The following PARP9 variants were observed in gnomAD, a reference collection of about 807,000 sequenced individuals.
The protein encoded by PARP9 is poly(ADP-ribose) polymerase family member 9, also known as protein mono-ADP-ribosyltransferase PARP9.
In PARP9, 48 loss-of-function variants were observed where a neutral mutation model predicts 68.8. The ratio of observed to expected loss-of-function variants is 0.70; its 90% confidence interval spans 0.55 to 0.89. The LOEUF (loss-of-function observed/expected upper bound fraction) is 0.89, where lower values mean the gene tolerates loss of function less well. Among genes scored for constraint, PARP9 ranks in the 40% least tolerant of loss-of-function variants. The pLI is 0.00. For missense variants in PARP9, 806 were observed against 969.3 expected (o/e 0.83, Z 2.24); for synonymous variants, 309 against 333.8 (o/e 0.93, Z 0.81).
At chr3:122,547,383 C>T (rs2078845485) in intron 6 of PARP9, among the ~76,000 whole-genome samples, 1 of 151,996 alleles carries the variant, frequency 6.6e-6, no homozygotes, top group Admixed American at 6.6e-5. Context: ...GCATGAGCCA[C>T]CAAGCCCGGC....
intron 1 of PARP9, among the ~76,000 whole-genome samples, chr3:122,560,633 G>A (rs569780592): frequency 2.0e-5 from 3 of 152,222 alleles, no homozygotes; most frequent in South Asian, 2.1e-4. Flanking sequence ...TGATCTACCC[G>A]TCTCGGCCTC....
At chr3:122,551,599 G>T (rs77732258) in intron 5 of PARP9, among the ~76,000 whole-genome samples, 1,989 of 152,134 alleles carry the variant, frequency 0.013, 17 homozygotes, top group Admixed American at 0.021. Flanking sequence ...TCCTGAGTTC[G>T]TTAATGCTTG....
At chr3:122,536,409 C>A (rs963931756) in intron 9 of PARP9, 67 bp from the exon 10 acceptor site, 4 of 1,554,042 alleles carry the variant, frequency 2.6e-6, no homozygotes, top group Non-Finnish European at 2.6e-6. Flanking sequence ...GCCTGCTATA[C>A]TGCTTCAAAA....
Position 122,540,814 on chromosome 3 carries a change from G to A in PARP9, c.1423C>T (p.Leu475Phe). ...STREEKRENG[L>F]EARSPAINLM... Reference sequence around the variant, plus strand: ...TTGATGGCAGGAGATCTAGCTTCAAGCCCATTTTCTCTTTTCTCCTCTCTG... The same window carrying A: ...TTGATGGCAGGAGATCTAGCTTCAAACCCATTTTCTCTTTTCTCCTCTCTG... The change falls in exon 8 of 11, where the codon CTT becomes TTT. Residue 475 changes from leucine to phenylalanine, a missense_variant. Physicochemically the swap from Leu to Phe is conservative, Grantham distance 22. This residue lies in a region of PARP9 where 680 missense variants were observed against 858.8 expected (regional missense o/e 0.79). Transcript: ENST00000682323. 6.2e-7 allele frequency: 1 copy of A among 1,613,824 alleles called. No individual in the cohort carries two copies. Among genetic ancestry groups the A allele is most frequent in the Non-Finnish European group, 8.5e-7 (1 of 1,179,946 alleles).
chr3:122,550,448 C>A, intron 6 of PARP9, 136 bp downstream of exon 6: 1 of 714,840 alleles, frequency 1.4e-6, no homozygotes, highest in South Asian at 2.0e-5. Context: ...TAAACTTCAC[C>A]AAGTTAGAAC....
At chr3:122,560,848 TG>T (rs1350685257) in intron 1 of PARP9, among the ~76,000 whole-genome samples, 1 of 152,152 alleles carries the variant, frequency 6.6e-6, no homozygotes, top group Non-Finnish European at 1.5e-5. Flanking sequence ...AGGGCACTGC[TG>T]TTTTCAAAAA....
intron 1 of PARP9, among the ~76,000 whole-genome samples, chr3:122,563,115 T>C (rs573965244): frequency 3.9e-5 from 6 of 152,314 alleles, no homozygotes; most frequent in Admixed American, 2.0e-4. Flanking sequence ...TGCTTGTAAA[T>C]GTGTCCTCCA....
intron 8 of PARP9, among the ~76,000 whole-genome samples, chr3:122,537,800 T>C (rs1158200800): frequency 6.6e-6 from 1 of 151,562 alleles, no homozygotes; most frequent in Non-Finnish European, 1.5e-5. Context: ...CCTCCCTCCC[T>C]CTCCTTCCTT....
At position 122,534,519 on chromosome 3, in the gene PARP9, T is replaced by C. The variant is rs1251968143; in HGVS notation, c.2080+1649A>G. On this transcript the variant is annotated intron_variant, in intron 10 of 10. Coordinates refer to ENST00000682323, the MANE Select transcript of PARP9 (RefSeq NM_001146105.2). ...AACATGAGAGTTTTCATTGCAGTTT[T>C]CCCGCTCCTTTTTATATCACTATAT... 3.6e-6 allele frequency: 3 copies of C among 835,612 alleles called. No homozygotes were observed. The African/African-American group carries it at 5.6e-5, about 15-fold the overall frequency. The allele number at this position is 835,612 out of a possible 1,614,324, so 51.8% of individuals were successfully genotyped here.
At chr3:122,534,514 A>G (rs2077506747) in intron 10 of PARP9, 7 of 855,786 alleles carry the variant, frequency 8.2e-6, no homozygotes, top group Non-Finnish European at 9.8e-6. Flanking sequence ...TTTTCATTGC[A>G]GTTTTCCCGC....
At position 122,555,947 on chromosome 3, in the gene PARP9, A is replaced by C; in HGVS notation, c.224T>G (p.Phe75Cys). 1 of 1,613,946 alleles carries C rather than the reference A, an allele frequency of 6.2e-7. No homozygotes were observed. Among genetic ancestry groups the C allele is most frequent in the Non-Finnish European group, 8.5e-7 (1 of 1,179,986 alleles). Residue 75 changes from phenylalanine to cysteine, a missense_variant, in exon 4 of 11, where the codon TTC becomes TGC. Around this residue, in one of 2 missense-constraint regions of PARP9, gnomAD observed 126 missense variants for 110.5 expected, o/e 1.14. Transcript: ENST00000682323. ...QEGNSKSLQVFRKMLTPRIEL... is the reference protein window; with the variant it reads ...QEGNSKSLQVCRKMLTPRIEL... ...TATCCTAGGAGTCAGCATTTTTCTG[A>C]ACACTTGCAGAGATTTGCTGTTGCC...
At chr3:122,533,589 G>A (rs1467543276) in intron 10 of PARP9, 2 of 702,168 alleles carry the variant, frequency 2.8e-6, no homozygotes, top group Non-Finnish European at 3.5e-6. Context: ...AATTGTAAGG[G>A]CAAGAACTCT....
chr3:122,528,537 T>C lies in PARP9; in HGVS notation c.2287A>G (p.Asn763Asp), dbSNP rs776646752. ...AIDGHDSVVD[N>D]VSSPETFVIF... ...ACAAAGGTTTCAGGGCTGGAGACATTGTCAACCACACTGTCATGACCATCT... is the reference window on the plus strand; with the variant it reads ...ACAAAGGTTTCAGGGCTGGAGACATCGTCAACCACACTGTCATGACCATCT... The change falls in exon 11 of 11, where the codon AAT (asparagine) becomes GAT (aspartate). Residue 763 changes from asparagine to aspartate, a missense_variant. Physicochemically the swap from Asn to Asp is conservative, Grantham distance 23. Around this residue, in one of 2 missense-constraint regions of PARP9, gnomAD observed 680 missense variants for 858.8 expected, o/e 0.79. Transcript: ENST00000682323. 6.2e-7 allele frequency: 1 copy of C among 1,614,202 alleles called. No homozygotes were observed. The highest frequency in any genetic ancestry group is 8.5e-7 in the Non-Finnish European group (1 of 1,180,018).
Position 122,555,361 on chromosome 3 carries a change from G to T in PARP9, c.810C>A (p.Thr270=), listed in dbSNP as rs1223585856. The change falls in exon 4 of 11, where the codon ACC becomes ACA. Residue 270 remains threonine, a synonymous_variant. Transcript: ENST00000682323. ...CGACCATTGCATTGAAAGAAGGGGT[G>T]GTTTCTTGTCCCAGCTCACTCTTCC... is the stretch of plus-strand genomic sequence containing the variant. The part of the protein sequence containing the change: ...ILGKSELGQE[T]TPSFNAMVVN... 6.2e-7 allele frequency: 1 copy of T among 1,613,960 alleles called. No homozygotes were observed. Among genetic ancestry groups the T allele is most frequent in the African/African-American group, 1.3e-5 (1 of 74,894 alleles).
intron 8 of PARP9, among the ~76,000 whole-genome samples, chr3:122,539,510 T>C (rs112434382): frequency 0.037 from 593 of 16,232 alleles, 3 homozygotes; most frequent in East Asian, 0.25. Flanking sequence ...AGATGGCATT[T>C]CTTTCTTTCT....
chr3:122,562,579 T>C (rs1227949917), intron 1 of PARP9, among the ~76,000 whole-genome samples: 1 of 152,208 alleles, frequency 6.6e-6, no homozygotes, highest in African/African-American at 2.4e-5. Context: ...GGTTCAAATT[T>C]AGAAAATGTA....
At chr3:122,563,636 C>G (rs6805448) in intron 1 of PARP9, among the ~76,000 whole-genome samples, 78,304 of 151,832 alleles carry the variant, frequency 0.52, 20,819 homozygotes, top group East Asian at 0.67. Context: ...ATCTCCTCTC[C>G]TCCCAGGCCC....
chr3:122,536,918 C>T lies in PARP9; in HGVS notation c.1905+16G>A. The stretch of plus-strand genomic sequence containing the variant: ...AACAACAAAATGAGCCAAATCTTCC[C>T]CTTTGTTAGGTATACCTTTAGAACC... On this transcript the variant is annotated intron_variant, in intron 9 of 10. Transcript: ENST00000682323. 1 of 1,594,144 alleles carries T rather than the reference C, an allele frequency of 6.3e-7. No individual in the cohort carries two copies. Among genetic ancestry groups the T allele is most frequent in the Non-Finnish European group, 8.5e-7 (1 of 1,174,614 alleles).
intron 1 of PARP9, among the ~76,000 whole-genome samples, chr3:122,563,093 G>A (rs980158807): frequency 6.6e-6 from 1 of 152,094 alleles, no homozygotes; most frequent in Non-Finnish European, 1.5e-5. Flanking sequence ...CCTCTCTGCC[G>A]CCACTCATCC....
Sources: allele counts gnomAD v4.1 joint callset (sites outside exome capture counted in the v4.1 genomes callset), GRCh38; gene constraint gnomAD v4.1.1; regional missense constraint gnomAD v4.1.1; transcripts MANE v1.5; gene names NCBI Gene and HGNC (gene_info 2026-07-23, HGNC 2026-07-21).